The following MED23 variants were observed in gnomAD, a reference collection of about 807,000 sequenced individuals.
MED23 encodes the protein mediator of RNA polymerase II transcription subunit 23.
A neutral mutation model predicts 163.9 loss-of-function variants in MED23; 105 were observed. That is an observed-to-expected ratio of 0.64 (90% CI 0.55 to 0.75). The LOEUF is 0.75. Ranked by LOEUF, MED23 falls within the 30% of genes least tolerant of loss-of-function variation. MED23 has a pLI of 0.00. For synonymous variants in MED23, 561 were observed against 565.6 expected, an observed-to-expected ratio of 0.99 and a Z score of 0.12; for missense variants, 1,054 against 1,649.0, an observed-to-expected ratio of 0.64 and a Z score of 6.25.
rs781409761 is a variant in MED23, at chr6:131,587,832, G to C, written c.3954C>G (p.Ile1318Met). The change falls in exon 29 of 29, where the codon ATC becomes ATG. Residue 1318 changes from isoleucine to methionine, a missense_variant. Ile to Met is a conservative substitution (Grantham distance 10). This residue lies in a region of MED23 where 362 missense variants were observed against 471.6 expected (regional missense o/e 0.77). Coordinates refer to ENST00000368068, the MANE Select transcript of MED23 (RefSeq NM_004830.4). Reference sequence around the variant, plus strand: ...GTTTTAAAGCTGGTTTTAAGTTACAGATAATCTTCTCTACCTAAGAAATAA... The same window carrying C: ...GTTTTAAAGCTGGTTTTAAGTTACACATAATCTTCTCTACCTAAGAAATAA... ...DSVKEQVEKI[I>M]CNLKPALKLR... 1.9e-6 allele frequency: 3 copies of C among 1,613,188 alleles called. No individual in the cohort carries two copies. The South Asian group carries it at 3.3e-5, about 18-fold the overall frequency.
exon 31 of MED23, chr6:131,574,220 T>C (rs1773504144): frequency 6.4e-7 from 1 of 1,567,684 alleles, no homozygotes; most frequent in East Asian, 2.2e-5. Flanking sequence ...GTTGATTTTC[T>C]CCAGGTTTCT....
At position 131,593,120 on chromosome 6, in the gene MED23, T is replaced by C. The variant is rs777230921; in HGVS notation, c.3284A>G (p.Asn1095Ser). The C allele has an allele frequency of 6.8e-6, 11 of 1,614,074 alleles. 1 individual carries two copies. Among genetic ancestry groups the C allele is most frequent in the South Asian group, 3.3e-5 (3 of 91,090 alleles). The change falls in exon 24 of 29, where the codon AAT becomes AGT. Residue 1095 changes from asparagine to serine, a missense_variant. Physicochemically the swap from Asn to Ser is conservative, Grantham distance 46. This residue lies in a region of MED23 where 362 missense variants were observed against 471.6 expected (regional missense o/e 0.77). Transcript: ENST00000368068. ...ATGGGCAGCTGGGTTGGGAAACTCA[T>C]TGAATCTCCAGTCACAGTTTGGAAA... ...GPFPNCDWRF[N>S]EFPNPAAHAL...
intron 30 of MED23, among the ~76,000 whole-genome samples, chr6:131,577,082 CT>C (rs1214276502): frequency 1.3e-5 from 2 of 152,198 alleles, no homozygotes; most frequent in African/African-American, 4.8e-5. Context: ...AAGAGGACCC[CT>C]ATTTGTGAAA....
intron 15 of MED23, 83 bp from the exon 16 acceptor site, chr6:131,603,287 A>C: frequency 7.5e-7 from 1 of 1,328,020 alleles, no homozygotes; most frequent in Non-Finnish European, 1.1e-6. Flanking sequence ...ATTGAGTAAA[A>C]TATAAAGATT....
chr6:131,576,607 G>A, intron 30 of MED23: 1 of 1,502,156 alleles, frequency 6.7e-7, no homozygotes, highest in Non-Finnish European at 9.3e-7. Context: ...GGTTCCTGCT[G>A]TGAGCATCTG....
At chr6:131,601,728 A>C (rs556499359) in intron 17 of MED23, among the ~76,000 whole-genome samples, 4 of 152,330 alleles carry the variant, frequency 2.6e-5, no homozygotes, top group African/African-American at 9.6e-5. Flanking sequence ...AGAAGCAAAA[A>C]TGTCAAACAA....
chr6:131,596,307 A>G, intron 21 of MED23, 144 bp from the exon 22 acceptor site: 1 of 888,482 alleles, frequency 1.1e-6, no homozygotes, highest in Admixed American at 2.3e-5. Context: ...TTCTTTTTAT[A>G]GAAGTCCTTA....
In MED23 at chr6:131,591,400, T is replaced by G; in HGVS notation, c.3599A>C (p.Tyr1200Ser). The G allele has an allele frequency of 6.2e-7, 1 of 1,613,784 alleles. No individual in the cohort carries two copies. The highest frequency in any genetic ancestry group is 1.1e-5 in the South Asian group (1 of 91,080). ...LFDFTACHQS[Y>S]SEMSCSYTLA... ...CGTATAGCTACAACTCATCTCAGAGTAGGACTGATGACAGGCAGTGAAATC... is the reference window on the plus strand; with the variant it reads ...CGTATAGCTACAACTCATCTCAGAGGAGGACTGATGACAGGCAGTGAAATC... The change falls in exon 26 of 29, where the codon TAC (tyrosine) becomes TCC (serine). Residue 1200 changes from tyrosine to serine, a missense_variant. Transcript: ENST00000368068.
At chr6:131,593,759 A>T (rs1247166932) in intron 23 of MED23, among the ~76,000 whole-genome samples, 1 of 152,154 alleles carries the variant, frequency 6.6e-6, no homozygotes, top group Admixed American at 6.5e-5. Flanking sequence ...ACAAGATCCT[A>T]CGTTCTCCAG....
At position 131,598,539 on chromosome 6, in the gene MED23, T is replaced by C; in HGVS notation, c.2426+17A>G. Reference sequence around the variant, plus strand: ...AACAATTTGCCAAATGGAATGCAAATTAGGTTTTTGACTTACCTATAGCCA... The same window carrying C: ...AACAATTTGCCAAATGGAATGCAAACTAGGTTTTTGACTTACCTATAGCCA... On this transcript the variant is annotated intron_variant, in intron 19 of 28. Coordinates refer to ENST00000368068, the MANE Select transcript of MED23 (RefSeq NM_004830.4). The surrounding 1 kb of genome is among the most constrained non-coding windows in gnomAD (Gnocchi z 4.7). 6.2e-7 allele frequency: 1 copy of C among 1,613,918 alleles called. No individual in the cohort carries two copies. The highest frequency in any genetic ancestry group is 8.5e-7 in the Non-Finnish European group (1 of 1,179,872).
At chr6:131,596,914 TA>T (rs952220175) in intron 20 of MED23, among the ~76,000 whole-genome samples, 98 of 152,326 alleles carry the variant, frequency 6.4e-4, no homozygotes, top group African/African-American at 2.3e-3. Context: ...TCTTTACTTT[TA>T]AAAATTTAAT....
chr6:131,610,845 A>T lies in MED23; in HGVS notation c.877-599T>A, dbSNP rs145210740. 4.5e-4 allele frequency among the ~76,000 whole-genome samples: 68 copies of T among 152,306 alleles called. 2 individuals are homozygous for T. Among genetic ancestry groups the T allele is most frequent in the African/African-American group, 1.6e-3 (66 of 41,562 alleles). ...GAAACTTCTTCCACAAGAGGAAAAA[A>T]AATTGATCTCTCTGCTCTTCCTTCT... On this transcript the variant is annotated intron_variant, in intron 10 of 28. Transcript: ENST00000368068.
At chr6:131,619,694 A>T in intron 8 of MED23, 133 bp downstream of exon 8, 1 of 689,964 alleles carries the variant, frequency 1.4e-6, no homozygotes, top group Non-Finnish European at 2.6e-6. Flanking sequence ...AAGGCATTAT[A>T]TTAAGCTCTT....
chr6:131,607,363 G>C (rs899563226), intron 12 of MED23, among the ~76,000 whole-genome samples: 2 of 151,846 alleles, frequency 1.3e-5, no homozygotes, highest in Non-Finnish European at 2.9e-5. Flanking sequence ...TGGCCAACAC[G>C]GCGAAACCCT....
intron 20 of MED23, among the ~76,000 whole-genome samples, chr6:131,597,172 C>A (rs893735290): frequency 4.6e-5 from 7 of 151,966 alleles, no homozygotes. Flanking sequence ...ACTTCAATAT[C>A]TTTTTAAAGA....
chr6:131,586,973 A>T lies in MED23; in HGVS notation c.*706T>A. On this transcript the variant is annotated 3_prime_UTR_variant, in exon 29 of 29. Transcript: ENST00000368068. ...AATTAACTTATTTTTAAAAAAAGAA[A>T]TTGGAGAATCAACCATTTAAGCATG... The T allele has an allele frequency of 6.7e-7, 1 of 1,493,124 alleles. No individual in the cohort carries two copies. The highest frequency in any genetic ancestry group is 8.9e-7 in the Non-Finnish European group (1 of 1,118,966). The allele number at this position is 1,493,124 out of a possible 1,614,324, so 92.5% of individuals were successfully genotyped here. A position where few individuals can be genotyped will look rare whatever the true frequency, so the allele number is the denominator to read the frequency against.
At chr6:131,607,090 G>A (rs1585518234) in intron 12 of MED23, among the ~76,000 whole-genome samples, 1 of 151,626 alleles carries the variant, frequency 6.6e-6, no homozygotes, top group African/African-American at 2.4e-5. Context: ...ACTATTAATG[G>A]GTAAAATGAT....
rs181651242 is a variant in MED23 at position 131,576,228 on chromosome 6, G to A, written c.4096-1933C>T. On this transcript the variant is annotated intron_variant, in intron 30 of 30. Coordinates refer to the MED23 transcript ENST00000354577. ...GAAGCAGCTATGTATTGAAACTGGA[G>A]TTAAATGCCCATATCTCCTATCAGC... Among the ~76,000 whole-genome samples the A allele has an allele frequency of 8.5e-5, 13 of 152,358 alleles. 1 individual carries two copies. Among genetic ancestry groups the A allele is most frequent in the Admixed American group, 7.8e-4 (12 of 15,304 alleles).
intron 8 of MED23, 132 bp downstream of exon 8, chr6:131,619,695 T>A (rs750681389): frequency 4.3e-6 from 3 of 693,300 alleles, no homozygotes; most frequent in Non-Finnish European, 2.6e-6. Context: ...AGGCATTATA[T>A]TAAGCTCTTA....
Sources: gnomAD v4.1 joint callset for allele counts (sites outside exome capture counted in the v4.1 genomes callset) on GRCh38, gnomAD v4.1.1 for gene constraint, gnomAD v4.1.1 regional missense constraint, Gnocchi (gnomAD v3.1) non-coding constraint, MANE v1.5 for transcripts, NCBI Gene and HGNC (gene_info 2026-07-23, HGNC 2026-07-21) for gene names.